Variants in CBLL1 observed in about 807,000 individuals in gnomAD.
CBLL1 encodes the protein Cbl proto-oncogene like 1, also known as E3 ubiquitin-protein ligase Hakai.
In CBLL1, 4 loss-of-function variants were observed where a neutral mutation model predicts 44.9. That is an observed-to-expected ratio of 0.09 (90% confidence interval 0.04 to 0.20). The LOEUF (loss-of-function observed/expected upper bound fraction) is 0.20. CBLL1 is among the 10% of genes least tolerant of loss of function. The pLI, the probability that CBLL1 is intolerant of heterozygous loss-of-function variation, is 1.00. For synonymous variants in CBLL1, 235 were observed against 202.2 expected, an observed-to-expected ratio of 1.16 and a Z score of -1.38; for missense variants, 569 against 636.7, an observed-to-expected ratio of 0.89 and a Z score of 1.14.
At chr7:107,753,559 G>C in intron 3 of CBLL1, 48 bp downstream of exon 3, 1 of 1,066,756 alleles carries the variant, frequency 9.4e-7, no homozygotes, top group African/African-American at 1.6e-5. Context: ...AATATTTTAA[G>C]TATTAAATAC....
chr7:107,746,838 A>G (rs1034622140), intron 1 of CBLL1, among the ~76,000 whole-genome samples: 1 of 152,236 alleles, frequency 6.6e-6, no homozygotes, highest in African/African-American at 2.4e-5. Flanking sequence ...CATTCTAAGA[A>G]TTAGCACTTC....
At position 107,760,481 on chromosome 7, in the gene CBLL1, G is replaced by C. The variant is rs1793721434; in HGVS notation, c.*1303G>C. 1 of 152,088 alleles carries C rather than the reference G, an allele frequency of 6.6e-6. No individual in the cohort carries two copies. Among genetic ancestry groups the C allele is most frequent in the South Asian group, 2.1e-4 (1 of 4,826 alleles). The allele number at this position is 152,088 out of a possible 1,614,324, so 9.4% of individuals were successfully genotyped here. ...AATTGTGGATTTCAGTGCTTTACAT[G>C]GTGCCTTTCGAGTCAGCTTTTACAT... is the stretch of plus-strand genomic sequence containing the variant. On this transcript the variant is annotated 3_prime_UTR_variant, in exon 6 of 6. Transcript: ENST00000440859.
chr7:107,750,618 A>T (rs115894512), intron 2 of CBLL1, among the ~76,000 whole-genome samples: 2,167 of 152,268 alleles, frequency 0.014, 52 homozygotes, highest in African/African-American at 0.05. Flanking sequence ...ATATAGTCAG[A>T]TATCCGGTCT....
intron 2 of CBLL1, among the ~76,000 whole-genome samples, chr7:107,750,339 G>A (rs1001482106): frequency 2.0e-5 from 3 of 150,686 alleles, no homozygotes; most frequent in African/African-American, 7.3e-5. Flanking sequence ...AGAGTCTTGC[G>A]CTGTCACCCA....
intron 5 of CBLL1, among the ~76,000 whole-genome samples, chr7:107,757,186 CAT>C (rs1562865197): frequency 1.3e-5 from 2 of 152,132 alleles, no homozygotes; most frequent in Non-Finnish European, 2.9e-5. Flanking sequence ...TGTACACACA[CAT>C]ATATTTATAT....
chr7:107,755,130 G>A (rs1026258253), intron 4 of CBLL1, among the ~76,000 whole-genome samples: 1 of 151,792 alleles, frequency 6.6e-6, no homozygotes, highest in Non-Finnish European at 1.5e-5. Context: ...TAAAAAAAAG[G>A]AAAAAAACGT....
In CBLL1 at chr7:107,750,421, T is replaced by A. The variant is rs191960624; in HGVS notation, c.181+1374T>A. Among the ~76,000 whole-genome samples, 1,010 of 152,076 alleles carry A rather than the reference T, an allele frequency of 6.6e-3. 14 individuals are homozygous for A. Among genetic ancestry groups the A allele is most frequent in the African/African-American group, 0.023 (937 of 41,460 alleles). On this transcript the variant is annotated intron_variant, in intron 2 of 5. Coordinates refer to ENST00000440859, the MANE Select transcript of CBLL1 (RefSeq NM_024814.4). Reference sequence around the variant, plus strand: ...CCCAGGTTCATGCCATTCTCCTGCCTCAGCCTCCCGAGTAGCTGGGACTAC... The same window carrying A: ...CCCAGGTTCATGCCATTCTCCTGCCACAGCCTCCCGAGTAGCTGGGACTAC...
intron 2 of CBLL1, among the ~76,000 whole-genome samples, chr7:107,753,125 A>G (rs1395052367): frequency 1.3e-5 from 2 of 152,336 alleles, no homozygotes; most frequent in African/African-American, 2.4e-5. Context: ...ATGGGAGTCA[A>G]GAGATCTGAG....
chr7:107,756,564 A>G (rs1306378559), intron 5 of CBLL1, among the ~76,000 whole-genome samples: 1 of 152,158 alleles, frequency 6.6e-6, no homozygotes, highest in African/African-American at 2.4e-5. Flanking sequence ...TCAGCATGGT[A>G]TACATTCATT....
intron 2 of CBLL1, chr7:107,752,456 G>GTGTGTGTGTCTGTGTC: frequency 1.9e-6 from 1 of 514,074 alleles, no homozygotes. Context: ...CTGTGTGTGT[G>GTGTGTGTGTCTGTGTC]TGTGTGTGTC....
intron 3 of CBLL1, 54 bp from the exon 4 acceptor site, chr7:107,753,841 A>T (rs765895329): frequency 8.7e-7 from 1 of 1,153,148 alleles, no homozygotes; most frequent in Non-Finnish European, 1.2e-6. Context: ...CATTGTGTAG[A>T]TACAATCTTT....
At chr7:107,746,964 T>G (rs1167132648) in intron 1 of CBLL1, among the ~76,000 whole-genome samples, 2 of 152,242 alleles carry the variant, frequency 1.3e-5, no homozygotes, top group Admixed American at 1.3e-4. Context: ...TATGGAAGTG[T>G]TGTGCCTTTT....
At position 107,758,765 on chromosome 7, in the gene CBLL1, A is replaced by G. The variant is rs1382190625; in HGVS notation, c.1063A>G (p.Met355Val). The change falls in exon 6 of 6, where the codon ATG becomes GTG. Residue 355 changes from methionine (M) to valine (V), a missense_variant. By Grantham distance (21) the Met-to-Val change is conservative (BLOSUM62 1). Transcript: ENST00000440859. The surrounding 1 kb of genome is among the most constrained non-coding windows in gnomAD (Gnocchi z 4.2). ...TCCTCCACCACCAATAAGCCATCCA[A>G]TGCCACATCCTCCCCAGGCTGCAGG... Reference protein sequence around the residue: ...PPPPPPISHPMPHPPQAAGTP... With the variant: ...PPPPPPISHPVPHPPQAAGTP... The G allele has an allele frequency of 2.5e-6, 4 of 1,613,040 alleles. No individual in the cohort carries two copies. Among genetic ancestry groups the G allele is most frequent in the East Asian group, 2.2e-5 (1 of 44,804 alleles).
At position 107,758,969 on chromosome 7, in the gene CBLL1, C is replaced by T; in HGVS notation, c.1267C>T (p.His423Tyr). ...GPPVTAPPPH[H>Y]YNPNSLPQFT... ...ACCTGTAACTGCACCCCCTCCTCACCATTATAATCCTAACTCATTACCCCA... is the reference window on the plus strand; with the variant it reads ...ACCTGTAACTGCACCCCCTCCTCACTATTATAATCCTAACTCATTACCCCA... The change falls in exon 6 of 6, where the codon CAT becomes TAT. Residue 423 changes from histidine (H) to tyrosine (Y), a missense_variant. Physicochemically the swap from His to Tyr is moderately conservative, Grantham distance 83. Transcript: ENST00000440859. The surrounding 1 kb of genome is among the most constrained non-coding windows in gnomAD (Gnocchi z 4.2). The T allele has an allele frequency of 1.2e-6, 2 of 1,613,848 alleles. No individual in the cohort carries two copies. Among genetic ancestry groups the T allele is most frequent in the Non-Finnish European group, 1.7e-6 (2 of 1,179,864 alleles).
rs747575705 is a variant in CBLL1, at chr7:107,748,883, A to C, written c.17A>C (p.Asn6Thr). The change falls in exon 2 of 6, where the codon AAT (asparagine) becomes ACT (threonine). Residue 6 changes from asparagine to threonine, a missense_variant. By Grantham distance (65) the Asn-to-Thr change is moderately conservative. Coordinates refer to ENST00000440859, the MANE Select transcript of CBLL1 (RefSeq NM_024814.4). MDHTD[N>T]ELQGTNSSGS... The stretch of plus-strand genomic sequence containing the variant: ...CAACTTTTTTTTCCTAACACAGACA[A>C]TGAGTTACAAGGCACTAATAGTTCT... The C allele has an allele frequency of 1.9e-6, 3 of 1,587,468 alleles. No individual in the cohort carries two copies. The highest frequency in any genetic ancestry group is 2.6e-6 in the Non-Finnish European group (3 of 1,170,136).
intron 4 of CBLL1, 97 bp from the exon 5 acceptor site, chr7:107,755,321 G>A (rs1793481281): frequency 2.3e-6 from 1 of 444,328 alleles, no homozygotes; most frequent in South Asian, 9.1e-5. Flanking sequence ...GTATTCTCAA[G>A]TGTCTTCTAA....
chr7:107,754,135 TATG>T (rs1462672381), intron 4 of CBLL1, 157 bp downstream of exon 4: 1 of 395,392 alleles, frequency 2.5e-6, no homozygotes, highest in Non-Finnish European at 4.5e-6. Context: ...ATGAATTTAA[TATG>T]ATTATCTTGA....
chr7:107,759,407 T>C lies in CBLL1; in HGVS notation c.*229T>C. The C allele has an allele frequency of 2.5e-6, 1 of 396,642 alleles. No homozygotes were observed. The highest frequency in any genetic ancestry group is 4.5e-6 in the Non-Finnish European group (1 of 222,602). 24.6% of individuals were successfully genotyped at this position (396,642 alleles called of 1,614,324 possible). On this transcript the variant is annotated 3_prime_UTR_variant, in exon 6 of 6. Coordinates refer to ENST00000440859, the MANE Select transcript of CBLL1 (RefSeq NM_024814.4). Reference sequence around the variant, plus strand: ...TTGAGCACAGCTATATTTTAACATCTCTTTGTTCCCCTAGTTTAGTAAATT... The same window carrying C: ...TTGAGCACAGCTATATTTTAACATCCCTTTGTTCCCCTAGTTTAGTAAATT...
At chr7:107,749,820 AAG>A (rs1455944029) in intron 2 of CBLL1, among the ~76,000 whole-genome samples, 19 of 152,202 alleles carry the variant, frequency 1.2e-4, no homozygotes, top group African/African-American at 4.3e-4. Context: ...TTAATTATGA[AAG>A]AGTGTATATT....
Sources: gnomAD v4.1 joint callset for allele counts (sites outside exome capture counted in the v4.1 genomes callset) on GRCh38, gnomAD v4.1.1 for gene constraint, Gnocchi (gnomAD v3.1) non-coding constraint, MANE v1.5 for transcripts, NCBI Gene and HGNC (gene_info 2026-07-23, HGNC 2026-07-21) for gene names.